The following TMEM123 variants were observed in gnomAD, a reference collection of about 807,000 sequenced individuals.
TMEM123 encodes the protein porimin.
A neutral mutation model predicts 19.7 loss-of-function variants in TMEM123; 16 were observed. The ratio of observed to expected loss-of-function variants is 0.81; its 90% confidence interval spans 0.55 to 1.23. The LOEUF is 1.23. TMEM123 is among the 50% of genes most tolerant of loss of function. TMEM123 has a pLI of 0.00. For missense variants in TMEM123, 313 were observed against 257.8 expected (o/e 1.21, Z -1.47); for synonymous variants, 118 against 99.4 (o/e 1.19, Z -1.12).
chr11:102,413,017 G>A (rs968259480), intron 2 of TMEM123, among the ~76,000 whole-genome samples: 1 of 152,036 alleles, frequency 6.6e-6, no homozygotes, highest in Non-Finnish European at 1.5e-5. Context: ...ATTTTGATAA[G>A]GAACCTATGA....
intron 2 of TMEM123, among the ~76,000 whole-genome samples, chr11:102,445,212 G>A (rs1389885328): frequency 2.0e-5 from 3 of 152,214 alleles, no homozygotes. Context: ...TCAAAAACAT[G>A]AGTTGAACAC....
chr11:102,446,941 G>A (rs1591568940), intron 2 of TMEM123, among the ~76,000 whole-genome samples: 1 of 152,138 alleles, frequency 6.6e-6, no homozygotes, highest in Admixed American at 6.5e-5. Flanking sequence ...TAAACAGTAT[G>A]TTCAAAGAAA....
intron 2 of TMEM123, among the ~76,000 whole-genome samples, chr11:102,446,367 TA>T (rs1336898909): frequency 2.0e-5 from 3 of 152,156 alleles, no homozygotes; most frequent in Non-Finnish European, 4.4e-5. Flanking sequence ...AAATAATGAT[TA>T]GAGGACATAA....
At chr11:102,429,562 A>AT (rs1565352984) in intron 2 of TMEM123, among the ~76,000 whole-genome samples, 1 of 152,208 alleles carries the variant, frequency 6.6e-6, no homozygotes, top group Non-Finnish European at 1.5e-5. Flanking sequence ...TTTCCTTACA[A>AT]TTAACAAACA....
chr11:102,401,626 C>A lies in TMEM123; in HGVS notation c.515G>T (p.Gly172Val). Reference sequence around the variant, plus strand: ...TAAAACTCCCAGCGTTAATACAATACCACCAACAAAGCTCCCAGTATCAAA... The same window carrying A: ...TAAAACTCCCAGCGTTAATACAATAACACCAACAAAGCTCCCAGTATCAAA... ...SKFDTGSFVGGIVLTLGVLSI... is the reference protein window; with the variant it reads ...SKFDTGSFVGVIVLTLGVLSI... Residue 172 changes from glycine to valine, a missense_variant, in exon 4 of 5, where the codon GGT (glycine) becomes GTT (valine). By Grantham distance (109) the Gly-to-Val change is moderately radical. Coordinates refer to ENST00000398136, the MANE Select transcript of TMEM123 (RefSeq NM_052932.3). 6.2e-7 allele frequency: 1 copy of A among 1,608,812 alleles called. No homozygotes were observed.
chr11:102,445,547 CA>C (rs1181150410), intron 2 of TMEM123, among the ~76,000 whole-genome samples: 1 of 152,198 alleles, frequency 6.6e-6, no homozygotes, highest in African/African-American at 2.4e-5. Flanking sequence ...CTAAAGTAAA[CA>C]GAAGAAGGTA....
intron 2 of TMEM123, among the ~76,000 whole-genome samples, chr11:102,430,496 G>A (rs1857685879): frequency 6.6e-6 from 1 of 152,194 alleles, no homozygotes; most frequent in Non-Finnish European, 1.5e-5. Flanking sequence ...TCTAGGACTG[G>A]ACCTGAGGAA....
chr11:102,448,150 T>C, intron 2 of TMEM123: 1 of 445,028 alleles, frequency 2.2e-6, no homozygotes, highest in South Asian at 1.6e-5. Flanking sequence ...AGGATTGGTG[T>C]ACCTTTTTCT....
At chr11:102,450,326 C>G (rs1857925316) in intron 1 of TMEM123, among the ~76,000 whole-genome samples, 1 of 152,192 alleles carries the variant, frequency 6.6e-6, no homozygotes, top group East Asian at 1.9e-4. Context: ...AAAAAAGTCC[C>G]TTCTTTCCAC....
intron 2 of TMEM123, among the ~76,000 whole-genome samples, chr11:102,404,132 G>A (rs750344904): frequency 7.2e-5 from 11 of 152,050 alleles, no homozygotes; most frequent in Non-Finnish European, 1.2e-4. Context: ...CACTGGACCT[G>A]CTTTCTCCTT....
intron 2 of TMEM123, among the ~76,000 whole-genome samples, chr11:102,447,037 A>T (rs1250864504): frequency 6.6e-6 from 1 of 152,220 alleles, no homozygotes; most frequent in African/African-American, 2.4e-5. Context: ...AACATGTTTC[A>T]AAAGTGTTTT....
intron 2 of TMEM123, among the ~76,000 whole-genome samples, chr11:102,411,550 A>C (rs1436781368): frequency 6.6e-6 from 1 of 152,238 alleles, no homozygotes; most frequent in East Asian, 1.9e-4. Context: ...TTAGCATCTA[A>C]ACTGAGGGCA....
At chr11:102,451,041 T>C (rs916442052) in intron 1 of TMEM123, among the ~76,000 whole-genome samples, 4 of 152,214 alleles carry the variant, frequency 2.6e-5, no homozygotes, top group South Asian at 2.1e-4. Context: ...GTTATACTAG[T>C]TTATGAATTC....
At position 102,435,932 on chromosome 11, in the gene TMEM123, C is replaced by T. The variant is rs149156895; in HGVS notation, c.157+12880G>A. On this transcript the variant is annotated intron_variant, in intron 2 of 4. Transcript: ENST00000398136. ...AGGGTTTCTTTTTGAGGTGATGAAACTGTTCGAAACTTGACTGTGGTGATG... is the reference window on the plus strand; with the variant it reads ...AGGGTTTCTTTTTGAGGTGATGAAATTGTTCGAAACTTGACTGTGGTGATG... 4.1e-4 allele frequency among the ~76,000 whole-genome samples: 62 copies of T among 151,820 alleles called. 1 individual carries two copies. In the East Asian group the frequency reaches 0.01, roughly 25 times the overall value.
At chr11:102,424,467 C>T (rs1178418428) in intron 2 of TMEM123, among the ~76,000 whole-genome samples, 1 of 152,190 alleles carries the variant, frequency 6.6e-6, no homozygotes, top group East Asian at 1.9e-4. Flanking sequence ...AGGTGGATCA[C>T]TTGAGGCCAG....
In TMEM123 at chr11:102,402,222, G is replaced by C; in HGVS notation, c.158-16C>G. The C allele has an allele frequency of 1.9e-6, 3 of 1,608,642 alleles. No homozygotes were observed. The highest frequency in any genetic ancestry group is 1.7e-6 in the Non-Finnish European group (2 of 1,176,496). On this transcript the variant is annotated splice_polypyrimidine_tract_variant and intron_variant, in intron 2 of 4. Transcript: ENST00000398136. ...TGGAGAGTCTCTGCAATAATATCAAGAAACATTAAAACCAGAGCTATGATT... is the reference window on the plus strand; with the variant it reads ...TGGAGAGTCTCTGCAATAATATCAACAAACATTAAAACCAGAGCTATGATT...
At chr11:102,449,781 C>T (rs1857920250) in intron 1 of TMEM123, among the ~76,000 whole-genome samples, 1 of 152,208 alleles carries the variant, frequency 6.6e-6, no homozygotes, top group Admixed American at 6.5e-5. Flanking sequence ...TAGGTGCTTA[C>T]CACAAGCCAG....
intron 2 of TMEM123, among the ~76,000 whole-genome samples, chr11:102,406,209 T>C (rs1338935124): frequency 6.6e-6 from 1 of 152,196 alleles, no homozygotes; most frequent in Non-Finnish European, 1.5e-5. Flanking sequence ...TCCGATAAGC[T>C]AAGGTTGAAG....
chr11:102,452,365 C>A, intron 1 of TMEM123, 159 bp downstream of exon 1: 1 of 539,116 alleles, frequency 1.9e-6, no homozygotes, highest in Non-Finnish European at 2.9e-6. Context: ...TGGTCCAAAC[C>A]TCAGTTTCCC....
Sources: allele counts gnomAD v4.1 joint callset (sites outside exome capture counted in the v4.1 genomes callset), GRCh38; gene constraint gnomAD v4.1.1; transcripts MANE v1.5; gene names NCBI Gene and HGNC (gene_info 2026-07-23, HGNC 2026-07-21).